UGP2: variants seen among roughly 807,000 people sequenced by gnomAD.
The protein encoded by UGP2 is UDP-glucose pyrophosphorylase 2.
A neutral mutation model predicts 49.0 loss-of-function variants in UGP2; 40 were observed. The ratio of observed to expected loss-of-function variants is 0.82; its 90% confidence interval spans 0.63 to 1.06. The LOEUF is 1.06. Among genes scored for constraint, UGP2 ranks in the 50% least tolerant of loss-of-function variants. The pLI, the probability that UGP2 is intolerant of heterozygous loss-of-function variation, is 0.00. For missense variants in UGP2, 460 were observed against 603.5 expected, an observed-to-expected ratio of 0.76 and a Z score of 2.49; for synonymous variants, 225 against 213.0, an observed-to-expected ratio of 1.06 and a Z score of -0.49.
chr2:63,887,198 G>C (rs1671741061), intron 7 of UGP2, among the ~76,000 whole-genome samples: 1 of 151,642 alleles, frequency 6.6e-6, no homozygotes, highest in South Asian at 2.1e-4. Flanking sequence ...CAGGAGGGCA[G>C]AGGCTACAGT....
intron 1 of UGP2, among the ~76,000 whole-genome samples, chr2:63,847,671 G>C (rs1239649444): frequency 2.6e-5 from 4 of 152,290 alleles, no homozygotes; most frequent in Non-Finnish European, 4.4e-5. Flanking sequence ...GGGGTCACAA[G>C]GTGCTCAGTT....
chr2:63,868,176 C>T (rs1311892534), intron 3 of UGP2, among the ~76,000 whole-genome samples: 2 of 152,066 alleles, frequency 1.3e-5, no homozygotes, highest in Non-Finnish European at 2.9e-5. Flanking sequence ...TAATTAAGTA[C>T]CCGTTTTCAT....
intron 6 of UGP2, 55 bp from the exon 7 acceptor site, chr2:63,886,286 A>G (rs1320123754): frequency 1.8e-5 from 28 of 1,535,784 alleles, no homozygotes. Context: ...TTGTATTTAC[A>G]AAAAAATGCA....
intron 1 of UGP2, chr2:63,855,536 T>G (rs1669347067): frequency 3.4e-6 from 1 of 295,406 alleles, no homozygotes; most frequent in South Asian, 2.5e-5. Context: ...TTTTTTTTTT[T>G]TTTTTCTCTT....
In UGP2 at chr2:63,891,238, A is replaced by G. The variant is rs996921459; in HGVS notation, c.*11A>G. The G allele has an allele frequency of 2.5e-6, 4 of 1,592,024 alleles. No individual in the cohort carries two copies. Among genetic ancestry groups the G allele is most frequent in the Non-Finnish European group, 3.4e-6 (4 of 1,161,294 alleles). On this transcript the variant is annotated 3_prime_UTR_variant, in exon 10 of 10. Coordinates refer to ENST00000337130, the MANE Select transcript of UGP2 (RefSeq NM_006759.4). ...ATCTTGGACCACTGAAATGAAAAAT[A>G]CTGTGGACACTTAAATAATGGGCTA... is the stretch of plus-strand genomic sequence containing the variant.
intron 4 of UGP2, among the ~76,000 whole-genome samples, chr2:63,883,617 G>GC (rs1324512266): frequency 7.9e-5 from 12 of 152,302 alleles, no homozygotes; most frequent in African/African-American, 2.2e-4. Flanking sequence ...GAGCACTGTG[G>GC]CTGTACACAA....
intron 3 of UGP2, among the ~76,000 whole-genome samples, chr2:63,863,108 A>G (rs1228282604): frequency 6.6e-6 from 1 of 152,210 alleles, no homozygotes; most frequent in Non-Finnish European, 1.5e-5. Context: ...GCTGACTTCT[A>G]TAAAAAGGTG....
intron 3 of UGP2, among the ~76,000 whole-genome samples, chr2:63,866,055 CA>C (rs576759729): frequency 1.6e-3 from 234 of 149,598 alleles, no homozygotes; most frequent in African/African-American, 5.3e-3. Context: ...AGAGTAATAG[CA>C]AAAAAAAATG....
intron 1 of UGP2, among the ~76,000 whole-genome samples, chr2:63,844,201 A>G (rs1174156623): frequency 2.6e-5 from 4 of 152,242 alleles, no homozygotes; most frequent in Non-Finnish European, 5.9e-5. Context: ...TGAGCCCTCT[A>G]TATGTTTAAC....
chr2:63,859,026 A>ACT (rs1669648622), intron 3 of UGP2, among the ~76,000 whole-genome samples: 1 of 147,038 alleles, frequency 6.8e-6, no homozygotes, highest in Non-Finnish European at 1.5e-5. Context: ...AGACAGTCTC[A>ACT]CTCTGTCACC....
At position 63,857,857 on chromosome 2, in the gene UGP2, G is replaced by A. The variant is rs762876553; in HGVS notation, c.176G>A (p.Arg59Gln). Residue 59 changes from arginine (R) to glutamine (Q), a missense_variant, in exon 3 of 10, where the codon CGG becomes CAG. Physicochemically the swap from Arg to Gln is conservative, Grantham distance 43. Around this residue, in one of 2 missense-constraint regions of UGP2, gnomAD observed 143 missense variants for 130.4 expected, o/e 1.10. Transcript: ENST00000337130. The stretch of plus-strand genomic sequence containing the variant: ...ACCAAAAAAGACCTGGATGGATTTC[G>A]GAAGCTATTTCATAGATTTTTGCAA... ...EHTKKDLDGF[R>Q]KLFHRFLQEK... The A allele has an allele frequency of 3.7e-6, 6 of 1,614,014 alleles. No individual in the cohort carries two copies. The highest frequency in any genetic ancestry group is 3.3e-5 in the South Asian group (3 of 91,066).
rs143731658 is a variant in UGP2 at position 63,862,602 on chromosome 2, T to G, written c.255+4666T>G. On this transcript the variant is annotated intron_variant, in intron 3 of 9. Coordinates refer to ENST00000337130, the MANE Select transcript of UGP2 (RefSeq NM_006759.4). ...CTTTAATGGCAGTTACATATTTGAT[T>G]TGATAGACTCCCGGTTTTATTGTTG... Among the ~76,000 whole-genome samples, 723 of 152,228 alleles carry G rather than the reference T, an allele frequency of 4.7e-3. 15 individuals carry two copies. The highest frequency in any genetic ancestry group is 0.015 in the African/African-American group (642 of 41,494).
chr2:63,867,214 C>T (rs999841144), intron 3 of UGP2, among the ~76,000 whole-genome samples: 1 of 152,200 alleles, frequency 6.6e-6, no homozygotes, highest in Non-Finnish European at 1.5e-5. Context: ...AGACCACCTA[C>T]ATATACATTT....
chr2:63,856,464 C>T, intron 2 of UGP2, 31 bp downstream of exon 2: 2 of 1,590,304 alleles, frequency 1.3e-6, no homozygotes, highest in Non-Finnish European at 8.5e-7. Flanking sequence ...TTCCACCCCC[C>T]CGCCCCTCCC....
intron 1 of UGP2, among the ~76,000 whole-genome samples, chr2:63,845,810 C>G (rs74596329): frequency 0.012 from 1,782 of 152,248 alleles, 19 homozygotes; most frequent in Non-Finnish European, 0.017. Context: ...TGGCTTGTAT[C>G]TCCTTCTCCA....
intron 5 of UGP2, 120 bp from the exon 6 acceptor site, chr2:63,885,469 A>T: frequency 1.3e-6 from 1 of 794,136 alleles, no homozygotes; most frequent in Non-Finnish European, 1.8e-6. Context: ...TAATTAAATT[A>T]CTTATTGATA....
intron 1 of UGP2, among the ~76,000 whole-genome samples, chr2:63,850,956 G>A (rs1462632156): frequency 6.6e-6 from 1 of 152,098 alleles, no homozygotes; most frequent in Non-Finnish European, 1.5e-5. Flanking sequence ...TTTGGCAGTG[G>A]GAATACAGCT....
intron 1 of UGP2, among the ~76,000 whole-genome samples, chr2:63,848,787 C>CT (rs1190426446): frequency 1.3e-5 from 2 of 152,136 alleles, no homozygotes. Context: ...GATTGGGTGA[C>CT]TTATGTGTGA....
intron 5 of UGP2, among the ~76,000 whole-genome samples, chr2:63,885,032 A>G (rs1303221322): frequency 6.4e-5 from 1 of 15,718 alleles, no homozygotes; most frequent in Admixed American, 7.6e-4. Context: ...TACTTTGCAG[A>G]TGTTTTGCCT....
Sources: allele counts gnomAD v4.1 joint callset (sites outside exome capture counted in the v4.1 genomes callset), GRCh38; gene constraint gnomAD v4.1.1; regional missense constraint gnomAD v4.1.1; transcripts MANE v1.5; gene names NCBI Gene and HGNC (gene_info 2026-07-23, HGNC 2026-07-21).